BICD1: variants seen among roughly 807,000 people sequenced by gnomAD.
BICD1 encodes BICD cargo adaptor 1.
A neutral mutation model predicts 92.5 loss-of-function variants in BICD1; 35 were observed. The ratio of observed to expected loss-of-function variants is 0.38; its 90% CI spans 0.29 to 0.50. The LOEUF is 0.50. Ranked by LOEUF, BICD1 falls within the 20% of genes least tolerant of loss-of-function variation. BICD1 has a pLI of 0.93. For synonymous variants in BICD1, 429 were observed against 465.1 expected, an observed-to-expected ratio of 0.92 and a Z score of 1.00; for missense variants, 950 against 1,189.8, an observed-to-expected ratio of 0.80 and a Z score of 2.97.
intron 8 of BICD1, among the ~76,000 whole-genome samples, chr12:32,352,172 T>C (rs1938914954): frequency 6.6e-6 from 1 of 151,724 alleles, no homozygotes; most frequent in South Asian, 2.1e-4. Context: ...GCCTCTGCAC[T>C]CTAGCCTGGG....
At chr12:32,260,528 T>C (rs1362277138) in intron 2 of BICD1, among the ~76,000 whole-genome samples, 1 of 152,156 alleles carries the variant, frequency 6.6e-6, no homozygotes, top group Admixed American at 6.5e-5. Flanking sequence ...CATATATAGG[T>C]ATAGATATGC....
rs1417702010 is a variant in BICD1, at chr12:32,220,959, T to C, written c.426+4500T>C. 2.2e-3 allele frequency among the ~76,000 whole-genome samples: 333 copies of C among 148,964 alleles called. 1 individual carries two copies. The highest frequency in any genetic ancestry group is 7.5e-3 in the African/African-American group (302 of 40,244). On this transcript the variant is annotated intron_variant, in intron 2 of 9. Transcript: ENST00000652176. Reference sequence around the variant, plus strand: ...GTCCTTTGTAGGGACATGGATGAAATTGGAAATCATCATTCTCCGTAAACT... The same window carrying C: ...GTCCTTTGTAGGGACATGGATGAAACTGGAAATCATCATTCTCCGTAAACT...
chr12:32,132,348 G>A lies in BICD1; in HGVS notation c.213+24804G>A, dbSNP rs551304227. On this transcript the variant is annotated intron_variant, in intron 1 of 9. Transcript: ENST00000652176. ...GGAGAATTGCTTGAACCCGGGAGGC[G>A]GAGGTTGCAGTGAACCGAGATTGTG... is the stretch of plus-strand genomic sequence containing the variant. Among the ~76,000 whole-genome samples the A allele has an allele frequency of 3.5e-3, 534 of 151,634 alleles. 4 individuals carry two copies. The highest frequency in any genetic ancestry group is 0.012 in the African/African-American group (507 of 41,278).
rs1945423444 is a variant in BICD1, at chr12:32,218,500, T to A, written c.426+2041T>A. 2.0e-5 allele frequency among the ~76,000 whole-genome samples: 3 copies of A among 152,310 alleles called. No individual in the cohort carries two copies. The South Asian group carries it at 6.2e-4, about 32-fold the overall frequency. On this transcript the variant is annotated intron_variant, in intron 2 of 9. Coordinates refer to ENST00000652176, the MANE Select transcript of BICD1 (RefSeq NM_001714.4). ...CATATTAAGAACCACTAATTTAGAT[T>A]TTTTGGCCTGCCCAAAGCTGAGGAA...
intron 9 of BICD1, 87 bp from the exon 10 acceptor site, chr12:32,377,453 A>G: frequency 3.8e-6 from 4 of 1,041,412 alleles, no homozygotes; most frequent in South Asian, 3.8e-5. Context: ...CTCAAAATCT[A>G]TGCAAAAATA....
At chr12:32,123,055 A>C (rs1250091464) in intron 1 of BICD1, among the ~76,000 whole-genome samples, 1 of 150,618 alleles carries the variant, frequency 6.6e-6, no homozygotes, top group Admixed American at 6.7e-5. Context: ...GGGAAGAGAG[A>C]TGATAAACAA....
rs890990937 is a variant in BICD1 at position 32,367,808 on chromosome 12, C to A, written c.2840+63C>A. 6 of 1,441,800 alleles carry A rather than the reference C, an allele frequency of 4.2e-6. No homozygotes were observed. In the East Asian group the frequency reaches 1.1e-4, roughly 27 times the overall value. The allele number at this position is 1,441,800 out of a possible 1,614,324, so 89.3% of individuals were successfully genotyped here. ...TGTCAGATCCATAGACCCCAGCTCC[C>A]CTTTCCGACACCTGAACTGCCTACG... is the stretch of plus-strand genomic sequence containing the variant. On this transcript the variant is annotated intron_variant, in intron 9 of 9. Coordinates refer to ENST00000652176, the MANE Select transcript of BICD1 (RefSeq NM_001714.4).
chr12:32,219,842 A>G (rs528281535), intron 2 of BICD1, among the ~76,000 whole-genome samples: 35 of 152,340 alleles, frequency 2.3e-4, no homozygotes, highest in African/African-American at 8.4e-4. Context: ...TTTATATACT[A>G]TACTACAAGG....
At chr12:32,122,523 T>C (rs1291582306) in intron 1 of BICD1, among the ~76,000 whole-genome samples, 1 of 151,526 alleles carries the variant, frequency 6.6e-6, no homozygotes, top group African/African-American at 2.4e-5. Context: ...AAAAAAGAAG[T>C]AGAACCCTTT....
chr12:32,277,287 G>A (rs147948027), intron 2 of BICD1, among the ~76,000 whole-genome samples: 23 of 152,232 alleles, frequency 1.5e-4, no homozygotes, highest in African/African-American at 5.3e-4. Flanking sequence ...CCAGCTACTC[G>A]GGAGGCTGAG....
intron 1 of BICD1, among the ~76,000 whole-genome samples, chr12:32,125,026 A>G (rs1798612): frequency 0.29 from 43,934 of 151,996 alleles, 6,576 homozygotes; most frequent in Admixed American, 0.43. Flanking sequence ...CCTCCTTTGT[A>G]TATTTTAAAT....
At chr12:32,262,618 C>T (rs985119926) in intron 2 of BICD1, among the ~76,000 whole-genome samples, 1 of 152,134 alleles carries the variant, frequency 6.6e-6, no homozygotes, top group Non-Finnish European at 1.5e-5. Context: ...GAGTCCATCT[C>T]CTGGGTTACA....
intron 1 of BICD1, among the ~76,000 whole-genome samples, chr12:32,213,749 T>C (rs1225720696): frequency 6.6e-6 from 1 of 152,192 alleles, no homozygotes; most frequent in African/African-American, 2.4e-5. Flanking sequence ...CTCATTGCTG[T>C]TGATCTAAGT....
rs1298242749 is a variant in BICD1 at position 32,294,090 on chromosome 12, T to C, written c.523T>C (p.Leu175=). Residue 175 remains leucine (L), a synonymous_variant, in exon 3 of 10, where the codon TTG becomes CTG. Transcript: ENST00000652176. ...ACGGCTCCTTCAGGACTATACTGAA[T>C]TGGAAGAAGAAAATATCACATTGCA... The part of the protein sequence containing the change: ...EARLLQDYTE[L]EEENITLQKL... 1 of 1,610,076 alleles carries C rather than the reference T, an allele frequency of 6.2e-7. No homozygotes were observed. Among genetic ancestry groups the C allele is most frequent in the African/African-American group, 1.3e-5 (1 of 74,726 alleles).
At position 32,163,956 on chromosome 12, in the gene BICD1, T is replaced by C. The variant is rs901704430; in HGVS notation, c.214-52291T>C. ...ATGCTAAAGCCAAAATTAAAAACTA[T>C]CAAATTTCAAAATTTTTTTTTTATT... On this transcript the variant is annotated intron_variant, in intron 1 of 9. Transcript: ENST00000652176. Among the ~76,000 whole-genome samples the C allele has an allele frequency of 2.6e-5, 4 of 152,354 alleles. No individual in the cohort carries two copies. The East Asian group carries it at 7.7e-4, about 29-fold the overall frequency.
At chr12:32,174,403 C>T (rs572764545) in intron 1 of BICD1, among the ~76,000 whole-genome samples, 5 of 151,890 alleles carry the variant, frequency 3.3e-5, no homozygotes, top group East Asian at 3.9e-4. Flanking sequence ...CCTGGGAGGC[C>T]GAGGTGGGAG....
chr12:32,207,942 GA>G (rs1193987214), intron 1 of BICD1, among the ~76,000 whole-genome samples: 1 of 152,174 alleles, frequency 6.6e-6, no homozygotes, highest in Non-Finnish European at 1.5e-5. Flanking sequence ...TAAGTCCAAG[GA>G]AAACCTTTAC....
chr12:32,178,093 C>T (rs1378184977), intron 1 of BICD1, among the ~76,000 whole-genome samples: 2 of 151,600 alleles, frequency 1.3e-5, no homozygotes, highest in Non-Finnish European at 2.9e-5. Context: ...CACTGAAACA[C>T]AGTAATATTC....
chr12:32,183,162 A>C (rs565975060), intron 1 of BICD1, among the ~76,000 whole-genome samples: 3 of 151,166 alleles, frequency 2.0e-5, no homozygotes, highest in African/African-American at 7.3e-5. Context: ...CGGCCTCCCA[A>C]ATCCTGGGAT....
Sources: allele counts gnomAD v4.1 joint callset (sites outside exome capture counted in the v4.1 genomes callset), GRCh38; gene constraint gnomAD v4.1.1; transcripts MANE v1.5; gene names NCBI Gene and HGNC (gene_info 2026-07-23, HGNC 2026-07-21).